Variants in FAM13A observed in about 807,000 individuals in gnomAD.
The protein encoded by FAM13A is family with sequence similarity 13 member A.
A neutral mutation model predicts 129.6 loss-of-function variants in FAM13A; 76 were observed. The ratio of observed to expected loss-of-function variants is 0.59; its 90% CI spans 0.49 to 0.71. The LOEUF (loss-of-function observed/expected upper bound fraction) is 0.71. FAM13A is among the 30% of genes least tolerant of loss of function. FAM13A has a pLI of 0.00. For synonymous variants in FAM13A, 443 were observed against 449.9 expected, an observed-to-expected ratio of 0.98 and a Z score of 0.20; for missense variants, 1,108 against 1,249.3, an observed-to-expected ratio of 0.89 and a Z score of 1.70.
intron 21 of FAM13A, among the ~76,000 whole-genome samples, chr4:88,736,041 T>C (rs952363186): frequency 2.0e-5 from 3 of 152,206 alleles, no homozygotes; most frequent in Non-Finnish European, 4.4e-5. Context: ...ATGCTAATTT[T>C]CATACACACA....
chr4:88,869,572 A>C (rs1741007678), intron 6 of FAM13A, among the ~76,000 whole-genome samples: 1 of 152,242 alleles, frequency 6.6e-6, no homozygotes, highest in African/African-American at 2.4e-5. Context: ...GTATCAGCTT[A>C]AATCAGGCAC....
intron 4 of FAM13A, among the ~76,000 whole-genome samples, chr4:88,953,528 A>C (rs756353125): frequency 3.3e-5 from 5 of 152,186 alleles, no homozygotes; most frequent in Non-Finnish European, 5.9e-5. Flanking sequence ...ACCATTTTTA[A>C]CTATACAATT....
intron 7 of FAM13A, among the ~76,000 whole-genome samples, chr4:88,822,595 A>G (rs1732212166): frequency 6.6e-6 from 1 of 152,220 alleles, no homozygotes; most frequent in Non-Finnish European, 1.5e-5. Flanking sequence ...AAAGGTCTTC[A>G]GCCTATCAAC....
chr4:89,002,316 T>A (rs113528984), intron 3 of FAM13A, among the ~76,000 whole-genome samples: 1 of 152,224 alleles, frequency 6.6e-6, no homozygotes, highest in South Asian at 2.1e-4. Flanking sequence ...ACCGCCTGCA[T>A]CCAGGCAGGC....
chr4:88,756,123 T>A (rs2149494610), intron 14 of FAM13A, among the ~76,000 whole-genome samples: 1 of 152,338 alleles, frequency 6.6e-6, no homozygotes, highest in East Asian at 1.9e-4. Flanking sequence ...GAATAGTACA[T>A]TAAATCTGTA....
intron 7 of FAM13A, among the ~76,000 whole-genome samples, chr4:88,832,046 C>T (rs927717935): frequency 2.0e-5 from 3 of 152,064 alleles, no homozygotes; most frequent in African/African-American, 7.2e-5. Flanking sequence ...GACAAATAGA[C>T]CAATGGAACA....
intron 6 of FAM13A, among the ~76,000 whole-genome samples, chr4:88,870,042 A>T (rs1741084024): frequency 6.6e-6 from 1 of 152,162 alleles, no homozygotes; most frequent in Admixed American, 6.5e-5. Flanking sequence ...TCAACTTGTT[A>T]CTACTCTGAG....
At chr4:88,854,737 T>C (rs769793326) in intron 6 of FAM13A, among the ~76,000 whole-genome samples, 3 of 152,226 alleles carry the variant, frequency 2.0e-5, no homozygotes, top group Non-Finnish European at 2.9e-5. Flanking sequence ...TCAAAAAGAA[T>C]ACATTCCATG....
intron 4 of FAM13A, among the ~76,000 whole-genome samples, chr4:88,972,448 C>T (rs982937371): frequency 1.3e-5 from 2 of 151,608 alleles, no homozygotes; most frequent in Non-Finnish European, 1.5e-5. Flanking sequence ...ACTACAGGTG[C>T]GTGCCACCAC....
intron 1 of FAM13A, among the ~76,000 whole-genome samples, chr4:89,049,831 T>C (rs1296918042): frequency 6.6e-6 from 1 of 152,154 alleles, no homozygotes; most frequent in Non-Finnish European, 1.5e-5. Flanking sequence ...CAAGATAAAA[T>C]GTTTTACAGT....
chr4:88,868,615 C>A (rs1195741639), intron 6 of FAM13A, among the ~76,000 whole-genome samples: 5 of 152,140 alleles, frequency 3.3e-5, no homozygotes, highest in African/African-American at 1.2e-4. Context: ...ACATTAATGG[C>A]CCCAGACTAT....
chr4:88,913,993 A>G (rs1320897682), intron 5 of FAM13A, among the ~76,000 whole-genome samples: 2 of 145,540 alleles, frequency 1.4e-5, no homozygotes, highest in African/African-American at 5.2e-5. Flanking sequence ...ACAGGGTGAG[A>G]CTCCGTCTCA....
At chr4:88,986,607 T>C (rs576659734) in intron 4 of FAM13A, among the ~76,000 whole-genome samples, 72 of 152,270 alleles carry the variant, frequency 4.7e-4, no homozygotes, top group Non-Finnish European at 8.7e-4. Context: ...CTTAGCCAGA[T>C]ATAGGACAGT....
intron 6 of FAM13A, among the ~76,000 whole-genome samples, chr4:88,872,021 C>T (rs1323968169): frequency 6.6e-6 from 1 of 152,106 alleles, no homozygotes; most frequent in Non-Finnish European, 1.5e-5. Flanking sequence ...ATTTTCAACC[C>T]AGAATTTCAT....
chr4:88,913,538 A>G (rs527704167), intron 5 of FAM13A, among the ~76,000 whole-genome samples: 2 of 150,894 alleles, frequency 1.3e-5, no homozygotes, highest in African/African-American at 2.4e-5. Context: ...AAGAAGAGGA[A>G]GAAGAGGAGG....
At chr4:89,039,254 G>C (rs557737128) in intron 1 of FAM13A, among the ~76,000 whole-genome samples, 1 of 152,256 alleles carries the variant, frequency 6.6e-6, no homozygotes, top group Admixed American at 6.5e-5. Context: ...GGGAAAGACT[G>C]GTTCTAGATT....
chr4:88,760,548 G>T (rs1182577144), intron 13 of FAM13A, among the ~76,000 whole-genome samples: 1 of 25,922 alleles, frequency 3.9e-5, no homozygotes, highest in African/African-American at 7.1e-5. Context: ...AGCTTGCAGT[G>T]AGCCGAGGTC....
At chr4:88,874,705 G>T (rs531718595) in intron 6 of FAM13A, among the ~76,000 whole-genome samples, 4 of 152,206 alleles carry the variant, frequency 2.6e-5, no homozygotes, top group African/African-American at 9.6e-5. Context: ...TGTGAAAATG[G>T]CCATACCGCC....
intron 7 of FAM13A, among the ~76,000 whole-genome samples, chr4:88,845,518 C>T (rs113030969): frequency 2.6e-5 from 4 of 152,028 alleles, no homozygotes; most frequent in Admixed American, 6.6e-5. Context: ...GAAGGAACAT[C>T]GCAGCAGGAG....
Sources: gnomAD v4.1 joint callset for allele counts (sites outside exome capture counted in the v4.1 genomes callset) on GRCh38, gnomAD v4.1.1 for gene constraint, MANE v1.5 for transcripts, NCBI Gene and HGNC (gene_info 2026-07-23, HGNC 2026-07-21) for gene names.